Variants in AGBL1 observed in about 807,000 individuals in gnomAD.
The protein encoded by AGBL1 is AGBL carboxypeptidase 1.
In AGBL1, 130 loss-of-function variants were observed where a neutral mutation model predicts 118.9. The observed-to-expected ratio is 1.09, with a 90% CI of 0.95 to 1.26. AGBL1 has a LOEUF of 1.26. AGBL1 is among the 50% of genes most tolerant of loss of function. The probability of loss-of-function intolerance (pLI) is 0.00; values close to 1 mark genes in which losing one functional copy is unlikely to be tolerated. For synonymous variants in AGBL1, 555 were observed against 478.9 expected (o/e 1.16, Z -2.08); for missense variants, 1,584 against 1,298.1 (o/e 1.22, Z -3.38).
intron 21 of AGBL1, among the ~76,000 whole-genome samples, chr15:86,562,667 T>C (rs2083844422): frequency 6.6e-6 from 1 of 152,230 alleles, no homozygotes; most frequent in Admixed American, 6.5e-5. Flanking sequence ...TAAAATGAGT[T>C]AGGGAGGATT....
intron 18 of AGBL1, among the ~76,000 whole-genome samples, chr15:86,447,137 A>G (rs959625233): frequency 6.6e-6 from 1 of 152,060 alleles, no homozygotes; most frequent in African/African-American, 2.4e-5. Context: ...AATTAATTTT[A>G]CTCTTTTCCT....
At chr15:86,154,213 C>T (rs1277916853) in intron 3 of AGBL1, among the ~76,000 whole-genome samples, 2 of 152,178 alleles carry the variant, frequency 1.3e-5, no homozygotes, top group Non-Finnish European at 2.9e-5. Context: ...ATTCAACCCA[C>T]AAGCTTCCAT....
intron 23 of AGBL1, among the ~76,000 whole-genome samples, chr15:86,936,088 C>A (rs547940204): frequency 4.6e-5 from 7 of 152,328 alleles, no homozygotes; most frequent in Non-Finnish European, 7.3e-5. Flanking sequence ...GGCTGCTCGG[C>A]AGGTGCAGCC....
chr15:86,082,949 C>T (rs954067762), intron 1 of AGBL1, among the ~76,000 whole-genome samples: 2 of 152,204 alleles, frequency 1.3e-5, no homozygotes, highest in Non-Finnish European at 2.9e-5. Flanking sequence ...GAAAGTCCCT[C>T]GACCTCTCTG....
At chr15:86,731,621 T>G (rs2077528723) in intron 22 of AGBL1, among the ~76,000 whole-genome samples, 1 of 152,194 alleles carries the variant, frequency 6.6e-6, no homozygotes, top group South Asian at 2.1e-4. Flanking sequence ...TGCTGGCAGA[T>G]GAGACTTGAA....
chr15:86,113,359 C>T (rs1278079913), intron 1 of AGBL1, among the ~76,000 whole-genome samples: 1 of 145,804 alleles, frequency 6.9e-6, no homozygotes, highest in Non-Finnish European at 1.5e-5. Flanking sequence ...ACGATCTTGG[C>T]TCACTGCAAC....
At chr15:86,842,230 A>G (rs1403582499) in intron 22 of AGBL1, among the ~76,000 whole-genome samples, 1 of 152,162 alleles carries the variant, frequency 6.6e-6, no homozygotes, top group Non-Finnish European at 1.5e-5. Context: ...AAAAAAAAAA[A>G]AAGTGCAACT....
At chr15:86,651,478 A>G (rs563418470) in intron 21 of AGBL1, among the ~76,000 whole-genome samples, 13 of 152,306 alleles carry the variant, frequency 8.5e-5, no homozygotes, top group Non-Finnish European at 1.8e-4. Context: ...TGAATTTGGA[A>G]TTGTATAGAT....
At chr15:86,580,429 A>G (rs2084157482) in intron 21 of AGBL1, among the ~76,000 whole-genome samples, 1 of 152,154 alleles carries the variant, frequency 6.6e-6, no homozygotes, top group African/African-American at 2.4e-5. Context: ...AACAAGCAAT[A>G]TGGACCATAA....
At chr15:86,641,292 G>C (rs2085185460) in intron 21 of AGBL1, among the ~76,000 whole-genome samples, 1 of 151,126 alleles carries the variant, frequency 6.6e-6, no homozygotes, top group Non-Finnish European at 1.5e-5. Flanking sequence ...AAAATATTTT[G>C]TGCACAAATG....
At chr15:86,325,647 C>T (rs1323819964) in intron 17 of AGBL1, among the ~76,000 whole-genome samples, 10 of 152,144 alleles carry the variant, frequency 6.6e-5, no homozygotes, top group African/African-American at 1.2e-4. Flanking sequence ...CAATATCTGC[C>T]GGCACAGCCA....
Position 86,262,820 on chromosome 15 carries a change from C to T in AGBL1, c.1012C>T (p.Pro338Ser). 1 of 1,611,210 alleles carries T rather than the reference C, an allele frequency of 6.2e-7. No individual in the cohort carries two copies. The highest frequency in any genetic ancestry group is 8.5e-7 in the Non-Finnish European group (1 of 1,178,748). The change falls in exon 10 of 23, where the codon CCT becomes TCT. Residue 338 changes from proline (P) to serine (S), a missense_variant. Transcript: ENST00000614907. Reference protein sequence around the residue: ...ETDVNKLSSKPGLDRPEEELM... With the variant: ...ETDVNKLSSKSGLDRPEEELM... ...AGACGTGAACAAGCTGAGTTCCAAA[C>T]CTGGTCTTGACCGACCTGAAGAGGA... is the stretch of plus-strand genomic sequence containing the variant.
At chr15:86,115,702 A>G (rs1897710790) in intron 1 of AGBL1, among the ~76,000 whole-genome samples, 1 of 152,284 alleles carries the variant, frequency 6.6e-6, no homozygotes, top group Non-Finnish European at 1.5e-5. Flanking sequence ...GCTCAAGGCT[A>G]TCTCTCGGGT....
intron 21 of AGBL1, among the ~76,000 whole-genome samples, chr15:86,570,623 CT>C (rs1248780664): frequency 6.6e-6 from 1 of 152,118 alleles, no homozygotes; most frequent in Non-Finnish European, 1.5e-5. Context: ...TAGGAGAAAC[CT>C]AGGTCAAATC....
Position 86,322,095 on chromosome 15 carries a change from C to T in AGBL1, c.2374+26687C>T, listed in dbSNP as rs151244294. On this transcript the variant is annotated intron_variant, in intron 17 of 22. Transcript: ENST00000614907. ...GTATAGCTAATTTTTGTAACTATCT[C>T]GTGTGCATGAAAGGAATGTGTACTT... Among the ~76,000 whole-genome samples the T allele has an allele frequency of 1.5e-3, 223 of 149,780 alleles. 2 individuals carry two copies. Among genetic ancestry groups the T allele is most frequent in the African/African-American group, 5.3e-3 (214 of 40,622 alleles).
chr15:86,555,323 C>T (rs1027266200), intron 21 of AGBL1, among the ~76,000 whole-genome samples: 2 of 152,178 alleles, frequency 1.3e-5, no homozygotes, highest in East Asian at 1.9e-4. Context: ...TGGACCTCCC[C>T]AGCATTAAGC....
chr15:86,092,501 C>T (rs1334940586), intron 1 of AGBL1, among the ~76,000 whole-genome samples: 1 of 152,022 alleles, frequency 6.6e-6, no homozygotes, highest in Non-Finnish European at 1.5e-5. Context: ...TTCTAAAAAT[C>T]AATGTTCTAA....
chr15:86,961,235 T>G (rs2080989695), intron 23 of AGBL1, among the ~76,000 whole-genome samples: 1 of 151,908 alleles, frequency 6.6e-6, no homozygotes, highest in African/African-American at 2.4e-5. Flanking sequence ...TCACTAATAC[T>G]AAATAAAGCT....
At position 86,613,848 on chromosome 15, in the gene AGBL1, T is replaced by A. The variant is rs1405926439; in HGVS notation, c.2994+59311T>A. Among the ~76,000 whole-genome samples the A allele has an allele frequency of 1.3e-5, 2 of 152,186 alleles. No individual in the cohort carries two copies. Among genetic ancestry groups the A allele is most frequent in the Non-Finnish European group, 2.9e-5 (2 of 68,030 alleles). On this transcript the variant is annotated intron_variant, in intron 21 of 22. Transcript: ENST00000614907. This position sits in a 1 kb window ranked among gnomAD's most constrained non-coding sequence, Gnocchi z 4.2. ...CATAGTAAGATTCTTGAGTGATCTA[T>A]ATGCATGTTAATGTTTGAGAAGTCC... is the stretch of plus-strand genomic sequence containing the variant.
Sources: allele counts gnomAD v4.1 joint callset (sites outside exome capture counted in the v4.1 genomes callset), GRCh38; gene constraint gnomAD v4.1.1; non-coding constraint Gnocchi (gnomAD v3.1); transcripts MANE v1.5; gene names NCBI Gene and HGNC (gene_info 2026-07-23, HGNC 2026-07-21).